Variants in EYS observed in about 807,000 individuals in gnomAD.
The protein encoded by EYS is EGF-like photoreceptor maintenance factor.
Under a neutral mutation model 282.1 loss-of-function variants are expected in EYS, and 250 were observed. The ratio of observed to expected loss-of-function variants is 0.89; its 90% CI spans 0.80 to 0.98. The LOEUF is 0.98. EYS is among the 50% of genes least tolerant of loss of function. The pLI is 0.00. For missense variants in EYS, 4,016 were observed against 3,709.0 expected, an observed-to-expected ratio of 1.08 and a Z score of -2.15; for synonymous variants, 1,355 against 1,282.9, an observed-to-expected ratio of 1.06 and a Z score of -1.20.
intron 15 of EYS, among the ~76,000 whole-genome samples, chr6:64,921,553 G>A (rs936256972): frequency 9.2e-5 from 14 of 152,152 alleles, no homozygotes; most frequent in African/African-American, 3.4e-4. Context: ...GCTTCTTGAT[G>A]AGACTCTTCC....
At chr6:65,466,816 G>A (rs1765016653) in intron 5 of EYS, among the ~76,000 whole-genome samples, 1 of 152,108 alleles carries the variant, frequency 6.6e-6, no homozygotes, top group South Asian at 2.1e-4. Context: ...AACTCCTGAG[G>A]TAAAAGGGAA....
chr6:64,653,009 G>T (rs560131693), intron 22 of EYS, among the ~76,000 whole-genome samples: 2 of 152,228 alleles, frequency 1.3e-5, no homozygotes, highest in East Asian at 3.9e-4. Flanking sequence ...CAGTACCCCC[G>T]TATGTAACGT....
In EYS at chr6:64,439,068, T is replaced by C. The variant is rs111723010; in HGVS notation, c.5835+94A>G. On this transcript the variant is annotated intron_variant, in intron 27 of 42. Transcript: ENST00000503581. ...CTGGTGGTGAGTATAATATATAGAG[T>C]TAAGTTTAAATTTTATTTTGAAAAT... 125 of 669,236 alleles carry C rather than the reference T, an allele frequency of 1.9e-4. No homozygotes were observed. In the African/African-American group the frequency reaches 1.9e-3, roughly 10 times the overall value. 41.5% of individuals were successfully genotyped at this position (669,236 alleles called of 1,614,324 possible). A position where few individuals can be genotyped will look rare whatever the true frequency, so the allele number is the denominator to read the frequency against.
intron 31 of EYS, among the ~76,000 whole-genome samples, chr6:64,147,827 C>A (rs79069106): frequency 0.03 from 4,594 of 152,252 alleles, 226 homozygotes; most frequent in African/African-American, 0.1. Context: ...CATAAGAGCA[C>A]ATTAGTCTGG....
intron 12 of EYS, among the ~76,000 whole-genome samples, chr6:65,212,272 A>G (rs1766194711): frequency 2.0e-5 from 3 of 152,130 alleles, no homozygotes; most frequent in Admixed American, 2.0e-4. Flanking sequence ...TGGAAAAGAA[A>G]GAATATGGTG....
At chr6:64,244,677 CT>C (rs1467417548) in intron 30 of EYS, among the ~76,000 whole-genome samples, 1 of 152,056 alleles carries the variant, frequency 6.6e-6, no homozygotes, top group East Asian at 1.9e-4. Flanking sequence ...TTTGCAACAC[CT>C]TTTTCAATTC....
At chr6:65,342,491 ATATT>A (rs1475789831) in intron 10 of EYS, among the ~76,000 whole-genome samples, 1 of 150,734 alleles carries the variant, frequency 6.6e-6, no homozygotes, top group African/African-American at 2.4e-5. Context: ...ACTTACACAG[ATATT>A]TAATCAAATT....
intron 13 of EYS, among the ~76,000 whole-genome samples, chr6:65,011,228 G>A (rs970132792): frequency 4.6e-5 from 7 of 152,136 alleles, no homozygotes; most frequent in African/African-American, 9.7e-5. Context: ...AGATAGCACC[G>A]ATCAGATGGC....
chr6:65,595,560 C>CT (rs1371215079), intron 2 of EYS, among the ~76,000 whole-genome samples: 1 of 151,650 alleles, frequency 6.6e-6, no homozygotes, highest in Non-Finnish European at 1.5e-5. Context: ...GATAATGGTA[C>CT]TTACTTCACA....
chr6:65,541,129 C>T (rs1768154257), intron 2 of EYS, among the ~76,000 whole-genome samples: 2 of 151,932 alleles, frequency 1.3e-5, no homozygotes, highest in African/African-American at 4.8e-5. Context: ...TGCAAATTTT[C>T]TCACAGCAAA....
At chr6:64,892,339 A>G (rs906600037) in intron 18 of EYS, among the ~76,000 whole-genome samples, 5 of 151,898 alleles carry the variant, frequency 3.3e-5, no homozygotes, top group African/African-American at 9.7e-5. Context: ...CAAACATAAC[A>G]CAGAATGTTT....
chr6:64,966,073 C>A (rs571398547), intron 14 of EYS, among the ~76,000 whole-genome samples: 1 of 152,070 alleles, frequency 6.6e-6, no homozygotes, highest in African/African-American at 2.4e-5. Context: ...TTAATTTAAT[C>A]TGGTTAACTG....
chr6:64,076,397 G>A (rs572601090), intron 32 of EYS, among the ~76,000 whole-genome samples: 2 of 152,016 alleles, frequency 1.3e-5, no homozygotes, highest in South Asian at 2.1e-4. Context: ...AGAGAACTAC[G>A]AAACACAGTT....
chr6:65,417,693 C>T (rs993410785), intron 5 of EYS, among the ~76,000 whole-genome samples: 2 of 152,000 alleles, frequency 1.3e-5, no homozygotes, highest in African/African-American at 4.8e-5. Flanking sequence ...ATAAACCACA[C>T]AGTGCTTTAA....
At chr6:65,379,297 C>T (rs546105917) in intron 8 of EYS, among the ~76,000 whole-genome samples, 10 of 151,972 alleles carry the variant, frequency 6.6e-5, no homozygotes, top group Non-Finnish European at 1.5e-4. Flanking sequence ...CCATGGGATG[C>T]AAAGATAGTT....
intron 28 of EYS, among the ~76,000 whole-genome samples, chr6:64,399,711 G>C (rs972560533): frequency 1.3e-5 from 2 of 151,816 alleles, no homozygotes; most frequent in African/African-American, 4.8e-5. Flanking sequence ...TTTTCTGTTA[G>C]TTCTGTTTCC....
Position 65,346,421 on chromosome 6 carries a change from AAAC to A in EYS, c.1460-2247_1460-2245del, listed in dbSNP as rs1582167460. On this transcript the variant is annotated intron_variant, in intron 9 of 42. Transcript: ENST00000503581. ...TACCCTTATTGAAAAAAAAAACAAA[AAAC>A]AATGTCCGAAGTGTGTATAATTTAA... 1.1e-4 allele frequency among the ~76,000 whole-genome samples: 17 copies of A among 151,616 alleles called. No individual in the cohort carries two copies. The East Asian group carries it at 2.9e-3, about 26-fold the overall frequency.
chr6:65,171,463 T>C (rs1765103801), intron 12 of EYS, among the ~76,000 whole-genome samples: 1 of 151,580 alleles, frequency 6.6e-6, no homozygotes, highest in Non-Finnish European at 1.5e-5. Context: ...TCCAGTATGC[T>C]ATTCATACTT....
intron 35 of EYS, among the ~76,000 whole-genome samples, chr6:63,958,867 G>A (rs982283057): frequency 2.0e-5 from 3 of 152,162 alleles, no homozygotes; most frequent in Admixed American, 6.6e-5. Flanking sequence ...GAGATCTACT[G>A]CTCAGAAAGA....
Sources: gnomAD v4.1 joint callset for allele counts (sites outside exome capture counted in the v4.1 genomes callset) on GRCh38, gnomAD v4.1.1 for gene constraint, MANE v1.5 for transcripts, NCBI Gene and HGNC (gene_info 2026-07-23, HGNC 2026-07-21) for gene names.